HCRTR2: variants seen among roughly 807,000 people sequenced by gnomAD.
HCRTR2 encodes the protein hypocretin receptor 2.
Under a neutral mutation model 49.0 loss-of-function variants are expected in HCRTR2, and 22 were observed. The observed-to-expected ratio is 0.45, with a 90% CI of 0.32 to 0.64. The LOEUF is 0.64. Ranked by LOEUF, HCRTR2 falls within the 30% of genes least tolerant of loss-of-function variation. The probability of loss-of-function intolerance (pLI) is 0.04; values close to 1 mark genes in which losing one functional copy is unlikely to be tolerated. For synonymous variants in HCRTR2, 236 were observed against 205.3 expected, an observed-to-expected ratio of 1.15 and a Z score of -1.28; for missense variants, 491 against 559.4, an observed-to-expected ratio of 0.88 and a Z score of 1.23.
At position 55,276,910 on chromosome 6, in the gene HCRTR2, A is replaced by G. The variant is rs555007708; in HGVS notation, c.763-470A>G. On this transcript the variant is annotated intron_variant, in intron 4 of 6. Coordinates refer to ENST00000370862, the MANE Select transcript of HCRTR2 (RefSeq NM_001384272.1). The stretch of plus-strand genomic sequence containing the variant: ...AGAAGCAGAAAACCTGAAAAGCTAC[A>G]GGTAGTTAAGTTCTATCTCTCTGGC... Among the ~76,000 whole-genome samples the G allele has an allele frequency of 2.0e-5, 3 of 152,318 alleles. No individual in the cohort carries two copies. The South Asian group carries it at 6.2e-4, about 32-fold the overall frequency.
At chr6:55,123,581 A>G (rs1472601896) in intron 1 of HCRTR2, among the ~76,000 whole-genome samples, 2 of 151,944 alleles carry the variant, frequency 1.3e-5, no homozygotes, top group Non-Finnish European at 2.9e-5. Flanking sequence ...ATTGGCCTGA[A>G]ATTTTCCTTT....
chr6:55,126,496 G>A (rs1026547183), intron 1 of HCRTR2, among the ~76,000 whole-genome samples: 2 of 152,264 alleles, frequency 1.3e-5, no homozygotes, highest in African/African-American at 4.8e-5. Flanking sequence ...GAGATCCCCT[G>A]CCAGATGCCA....
chr6:55,156,085 C>T (rs923310534), intron 1 of HCRTR2, among the ~76,000 whole-genome samples: 5 of 151,712 alleles, frequency 3.3e-5, no homozygotes, highest in African/African-American at 1.2e-4. Flanking sequence ...GCTTAGGTTT[C>T]ATGCACTTTC....
At chr6:55,151,056 C>T in intron 1 of HCRTR2, among the ~76,000 whole-genome samples, 1 of 152,006 alleles carries the variant, frequency 6.6e-6, no homozygotes, top group East Asian at 1.9e-4. Context: ...TAAAACAATG[C>T]TAACAATCAT....
upstream of HCRTR2, among the ~76,000 whole-genome samples, chr6:55,171,749 T>C (rs1423389710): frequency 2.6e-5 from 4 of 152,164 alleles, no homozygotes; most frequent in African/African-American, 9.7e-5. Context: ...TCATTTCTCG[T>C]TATTTATAAC....
chr6:55,136,371 T>A (rs1344526191), intron 1 of HCRTR2, among the ~76,000 whole-genome samples: 1 of 152,156 alleles, frequency 6.6e-6, no homozygotes, highest in African/African-American at 2.4e-5. Context: ...AAAAATGGCA[T>A]CCTGTTCACA....
At chr6:55,190,113 T>C (rs922372651) in intron 1 of HCRTR2, among the ~76,000 whole-genome samples, 6 of 152,214 alleles carry the variant, frequency 3.9e-5, no homozygotes, top group African/African-American at 1.4e-4. Flanking sequence ...ATTAAAAGCA[T>C]ACAAGGGAAT....
chr6:55,221,894 C>T (rs761182683), intron 1 of HCRTR2, among the ~76,000 whole-genome samples: 1 of 151,010 alleles, frequency 6.6e-6, no homozygotes, highest in Non-Finnish European at 1.5e-5. Context: ...TTGGTTTTGG[C>T]AATAATTTCT....
chr6:55,182,058 A>C (rs1581812934), intron 1 of HCRTR2, among the ~76,000 whole-genome samples: 1 of 152,190 alleles, frequency 6.6e-6, no homozygotes, highest in East Asian at 1.9e-4. Context: ...CTGAATTTTC[A>C]TTGGCTTAGT....
chr6:55,126,886 A>G (rs1764286182), intron 1 of HCRTR2, among the ~76,000 whole-genome samples: 1 of 152,102 alleles, frequency 6.6e-6, no homozygotes. Context: ...CTGCCTACTC[A>G]AGCCTCAGCA....
chr6:55,180,034 T>C (rs1765104564), intron 1 of HCRTR2, among the ~76,000 whole-genome samples: 1 of 152,206 alleles, frequency 6.6e-6, no homozygotes, highest in Admixed American at 6.5e-5. Flanking sequence ...CTGACGGTAT[T>C]TGTCTTCAGT....
intron 1 of HCRTR2, among the ~76,000 whole-genome samples, chr6:55,126,048 A>T (rs549147736): frequency 6.6e-6 from 1 of 152,110 alleles, no homozygotes; most frequent in African/African-American, 2.4e-5. Context: ...GCTTCCTTGC[A>T]TTGGGTTAGA....
chr6:55,207,729 T>C (rs1036826799), intron 1 of HCRTR2, among the ~76,000 whole-genome samples: 1 of 152,172 alleles, frequency 6.6e-6, no homozygotes, highest in African/African-American at 2.4e-5. Context: ...AGCAAATATT[T>C]TCTGTCTTGG....
chr6:55,108,475 C>T (rs1387228836), intron 1 of HCRTR2, among the ~76,000 whole-genome samples: 1 of 152,020 alleles, frequency 6.6e-6, no homozygotes, highest in Non-Finnish European at 1.5e-5. Context: ...CACACATCCT[C>T]ACCCCAATTC....
Position 55,195,950 on chromosome 6 carries a change from C to T in HCRTR2, c.223+21140C>T, listed in dbSNP as rs189605769. On this transcript the variant is annotated intron_variant, in intron 1 of 6. Transcript: ENST00000370862. ...TTGCACCACTGCACTCCAGCCTGGG[C>T]GACAGAGCGAGACTTCGTCTCAATA... 5.0e-3 allele frequency among the ~76,000 whole-genome samples: 754 copies of T among 151,980 alleles called. 2 individuals are homozygous for T. The highest frequency in any genetic ancestry group is 0.016 in the African/African-American group (681 of 41,436).
chr6:55,269,317 G>A (rs1046486086), intron 4 of HCRTR2, among the ~76,000 whole-genome samples: 5 of 151,958 alleles, frequency 3.3e-5, no homozygotes, highest in Admixed American at 6.6e-5. Flanking sequence ...TTCATTCAAT[G>A]TTGAACAGAA....
intron 1 of HCRTR2, among the ~76,000 whole-genome samples, chr6:55,224,508 A>T (rs1288794104): frequency 6.6e-6 from 1 of 152,052 alleles, no homozygotes; most frequent in Non-Finnish European, 1.5e-5. Context: ...CTGTAGTCCC[A>T]GCTACCCGGG....
At position 55,277,594 on chromosome 6, in the gene HCRTR2, T is replaced by A. The variant is rs759659885; in HGVS notation, c.977T>A (p.Leu326Gln). Residue 326 changes from leucine (L) to glutamine (Q), a missense_variant, in exon 5 of 7, where the codon CTA becomes CAA. By Grantham distance (113) the Leu-to-Gln change is moderately radical (BLOSUM62 -2). Coordinates refer to ENST00000370862, the MANE Select transcript of HCRTR2 (RefSeq NM_001384272.1). ...CTACCAATTAGCATCCTCAATGTGCTAAAGAGGTAAAACTTATCTGTTATT... is the reference window on the plus strand; with the variant it reads ...CTACCAATTAGCATCCTCAATGTGCAAAAGAGGTAAAACTTATCTGTTATT... ...CYLPISILNVLKRVFGMFAHT... is the reference protein window; with the variant it reads ...CYLPISILNVQKRVFGMFAHT... The A allele has an allele frequency of 1.2e-6, 2 of 1,605,110 alleles. No individual in the cohort carries two copies. The highest frequency in any genetic ancestry group is 2.2e-5 in the South Asian group (2 of 90,888).
chr6:55,145,624 C>T (rs985093344), intron 1 of HCRTR2, among the ~76,000 whole-genome samples: 3 of 151,962 alleles, frequency 2.0e-5, no homozygotes, highest in Non-Finnish European at 1.5e-5. Flanking sequence ...ACCGTGTTAG[C>T]CAGGATGGTC....
Sources: gnomAD v4.1 joint callset for allele counts (sites outside exome capture counted in the v4.1 genomes callset) on GRCh38, gnomAD v4.1.1 for gene constraint, MANE v1.5 for transcripts, NCBI Gene and HGNC (gene_info 2026-07-23, HGNC 2026-07-21) for gene names.